WDHD1: variants seen among roughly 807,000 people sequenced by gnomAD.
WDHD1 encodes WD repeat and HMG-box DNA-binding protein 1.
In WDHD1, 111 loss-of-function variants were observed where a neutral mutation model predicts 135.4. That is an observed-to-expected ratio of 0.82 (90% CI 0.70 to 0.96). The LOEUF (loss-of-function observed/expected upper bound fraction) is 0.96. WDHD1 is among the 40% of genes least tolerant of loss of function. WDHD1 has a pLI of 0.00. For missense variants in WDHD1, 1,351 were observed against 1,336.3 expected, an observed-to-expected ratio of 1.01 and a Z score of -0.17; for synonymous variants, 434 against 439.0, an observed-to-expected ratio of 0.99 and a Z score of 0.14.
chr14:55,009,913 T>C (rs537035397), intron 4 of WDHD1, among the ~76,000 whole-genome samples: 1 of 152,042 alleles, frequency 6.6e-6, no homozygotes, highest in East Asian at 1.9e-4. Context: ...CTCTGCCTCC[T>C]AGGTTCAAGT....
At chr14:55,016,498 A>G (rs1175411517) in intron 2 of WDHD1, among the ~76,000 whole-genome samples, 2 of 152,224 alleles carry the variant, frequency 1.3e-5, no homozygotes, top group Non-Finnish European at 2.9e-5. Context: ...ATCAGTATCT[A>G]TTCAAGTTAG....
chr14:54,947,834 C>T (rs983454154), intron 24 of WDHD1, among the ~76,000 whole-genome samples: 5 of 151,864 alleles, frequency 3.3e-5, no homozygotes, highest in African/African-American at 9.7e-5. Flanking sequence ...TCAAGTGATC[C>T]GCCCACCTCA....
chr14:54,956,825 A>AAG (rs1329939103), intron 23 of WDHD1, among the ~76,000 whole-genome samples: 3 of 152,184 alleles, frequency 2.0e-5, no homozygotes, highest in Non-Finnish European at 4.4e-5. Flanking sequence ...CCTGGGCTCA[A>AAG]GTGATCCTCC....
In WDHD1 at chr14:55,007,230, A is replaced by AT. The variant is rs202105202; in HGVS notation, c.600+49dup. Reference sequence around the variant, plus strand: ...GAGACAGAGTGAGACTCCATCTCTAATAAAAAAAAAAAAAAAAAAGAAAAG... The same window carrying AT: ...GAGACAGAGTGAGACTCCATCTCTAATTAAAAAAAAAAAAAAAAAAGAAAAG... On this transcript the variant is annotated intron_variant, in intron 7 of 25. Coordinates refer to ENST00000360586, the MANE Select transcript of WDHD1 (RefSeq NM_007086.4). 7.5e-4 allele frequency: 991 copies of AT among 1,322,974 alleles called. 3 individuals carry two copies. The African/African-American group carries it at 9.0e-3, about 12-fold the overall frequency. 82.0% of individuals were successfully genotyped at this position (1,322,974 alleles called of 1,614,324 possible). A position where few individuals can be genotyped will look rare whatever the true frequency, so the allele number is the denominator to read the frequency against.
chr14:55,012,380 G>A (rs1170083200), intron 3 of WDHD1, among the ~76,000 whole-genome samples: 1 of 152,032 alleles, frequency 6.6e-6, no homozygotes, highest in East Asian at 1.9e-4. Flanking sequence ...AAAAGCTTAG[G>A]GGTTTATAGA....
In WDHD1 at chr14:54,967,390, T is replaced by C; in HGVS notation, c.2068A>G (p.Ile690Val). 1 of 1,598,552 alleles carries C rather than the reference T, an allele frequency of 6.3e-7. No individual in the cohort carries two copies. Among genetic ancestry groups the C allele is most frequent in the Non-Finnish European group, 8.5e-7 (1 of 1,174,564 alleles). Residue 690 changes from isoleucine to valine, a missense_variant, in exon 17 of 26, where the codon ATT becomes GTT. Coordinates refer to ENST00000360586, the MANE Select transcript of WDHD1 (RefSeq NM_007086.4). ...GGAAACCGAGAACCTTTACAAGGAA[T>C]GCACCTGTTAGTAAAGAAAAGTTCC... is the stretch of plus-strand genomic sequence containing the variant. ...IHENPQQLRCIPCKGSRFPPT... is the reference protein window; with the variant it reads ...IHENPQQLRCVPCKGSRFPPT...
chr14:55,017,365 C>T (rs1218512724), intron 2 of WDHD1, among the ~76,000 whole-genome samples: 1 of 151,626 alleles, frequency 6.6e-6, no homozygotes, highest in Non-Finnish European at 1.5e-5. Flanking sequence ...CTTTTTGAAA[C>T]AGGGCCTTGC....
chr14:54,953,627 T>C (rs528041060), intron 24 of WDHD1, among the ~76,000 whole-genome samples: 1 of 152,228 alleles, frequency 6.6e-6, no homozygotes, highest in Non-Finnish European at 1.5e-5. Flanking sequence ...ACTGGGTATA[T>C]ACCCAAAGGA....
intron 25 of WDHD1, 68 bp downstream of exon 25, chr14:54,944,264 C>G: frequency 1.3e-6 from 2 of 1,582,974 alleles, no homozygotes; most frequent in East Asian, 2.3e-5. Flanking sequence ...AGCCAAAAGG[C>G]ATTTCTATAA....
chr14:54,948,724 T>C (rs892962627), intron 24 of WDHD1, among the ~76,000 whole-genome samples: 6 of 152,122 alleles, frequency 3.9e-5, no homozygotes, highest in East Asian at 1.9e-4. Flanking sequence ...GGGTCCATGA[T>C]CCACAAGTAG....
chr14:55,010,431 A>G lies in WDHD1; in HGVS notation c.219T>C (p.Asn73=), dbSNP rs752361365. The G allele has an allele frequency of 4.4e-6, 7 of 1,606,958 alleles. No individual in the cohort carries two copies. The African/African-American group carries it at 8.0e-5, about 18-fold the overall frequency. Reference sequence around the variant, plus strand: ...GAAATGTGTGGACTTGAATAGTATTATTAGAAACTGCAGTGACCAGTTTTC... The same window carrying G: ...GAAATGTGTGGACTTGAATAGTATTGTTAGAAACTGCAGTGACCAGTTTTC... The part of the protein sequence containing the change: ...KSGKLVTAVS[N]NTIQVHTFPE... Residue 73 remains asparagine, a synonymous_variant, in exon 4 of 26, where the codon AAT becomes AAC. Transcript: ENST00000360586.
At position 54,957,040 on chromosome 14, in the gene WDHD1, A is replaced by G. The variant is rs1163172299; in HGVS notation, c.2910T>C (p.Pro970=). 2 of 1,613,510 alleles carry G rather than the reference A, an allele frequency of 1.2e-6. No individual in the cohort carries two copies. The highest frequency in any genetic ancestry group is 2.2e-5 in the East Asian group (1 of 44,878). The change falls in exon 23 of 26, where the codon CCT becomes CCC. Residue 970 remains proline (P), a synonymous_variant. Transcript: ENST00000360586. Reference sequence around the variant, plus strand: ...AGGGTAGCTGAAACAGTACCTGCTTAGGCTTCGGCTTTGGAATCAGAGGCT... The same window carrying G: ...AGGGTAGCTGAAACAGTACCTGCTTGGGCTTCGGCTTTGGAATCAGAGGCT... The part of the protein sequence containing the change: ...IIKPLIPKPK[P]KQASAASYFQ...
intron 7 of WDHD1, among the ~76,000 whole-genome samples, chr14:55,006,617 A>T (rs189020250): frequency 1.8e-3 from 279 of 152,200 alleles, no homozygotes; most frequent in Middle Eastern, 6.8e-3. Context: ...CAAATTTCTC[A>T]TATCTTTCTG....
chr14:55,007,115 C>T (rs891566639), intron 7 of WDHD1, among the ~76,000 whole-genome samples, 165 bp downstream of exon 7: 1 of 151,568 alleles, frequency 6.6e-6, no homozygotes, highest in South Asian at 2.1e-4. Flanking sequence ...GTAATCCCAG[C>T]TACTCGGGAG....
intron 3 of WDHD1, among the ~76,000 whole-genome samples, chr14:55,011,410 G>A (rs1490092051): frequency 6.6e-6 from 1 of 150,730 alleles, no homozygotes; most frequent in Non-Finnish European, 1.5e-5. Context: ...TGGGCAGCCA[G>A]CTGTTTGGGA....
At chr14:54,977,409 T>G (rs2041542577) in intron 16 of WDHD1, among the ~76,000 whole-genome samples, 1 of 152,182 alleles carries the variant, frequency 6.6e-6, no homozygotes, top group South Asian at 2.1e-4. Context: ...AAAATAAAAT[T>G]TTCAGGTCTA....
rs1329519745 is a variant in WDHD1 at position 54,962,554 on chromosome 14, A to G, written c.2648-3T>C. ...ACTTTTGGAAAACGAGTTCTGTCCT[A>G]CAGATTAAAATAAAGCAATATAATG... On this transcript the variant is annotated splice_polypyrimidine_tract_variant and splice_region_variant and intron_variant, in intron 20 of 25. Transcript: ENST00000360586. The G allele has an allele frequency of 1.2e-6, 2 of 1,606,758 alleles. No individual in the cohort carries two copies. Among genetic ancestry groups the G allele is most frequent in the Non-Finnish European group, 8.5e-7 (1 of 1,174,798 alleles).
chr14:55,023,878 T>G (rs1043576569), intron 2 of WDHD1, among the ~76,000 whole-genome samples: 2 of 152,256 alleles, frequency 1.3e-5, no homozygotes, highest in African/African-American at 2.4e-5. Flanking sequence ...TACATTTCTC[T>G]TGACTGCGGA....
At position 54,940,249 on chromosome 14, in the gene WDHD1, G is replaced by C. The variant is rs2040819358; in HGVS notation, c.*1241C>G. On this transcript the variant is annotated 3_prime_UTR_variant, in exon 26 of 26. Coordinates refer to ENST00000360586, the MANE Select transcript of WDHD1 (RefSeq NM_007086.4). ...CCGGCCCAACATGACCCAACTATTA[G>C]TAGTAGGTAGAGAAGCGGGTCTCCG... The C allele has an allele frequency of 6.6e-6, 1 of 152,150 alleles. No individual in the cohort carries two copies. The highest frequency in any genetic ancestry group is 1.9e-4 in the East Asian group (1 of 5,208). 9.4% of individuals were successfully genotyped at this position (152,150 alleles called of 1,614,324 possible).
Sources: gnomAD v4.1 joint callset for allele counts (sites outside exome capture counted in the v4.1 genomes callset) on GRCh38, gnomAD v4.1.1 for gene constraint, MANE v1.5 for transcripts, NCBI Gene and HGNC (gene_info 2026-07-23, HGNC 2026-07-21) for gene names.